The following GLRB variants were observed in gnomAD, a reference collection of about 807,000 sequenced individuals.
GLRB encodes the protein glycine receptor subunit beta.
A neutral mutation model predicts 54.2 loss-of-function variants in GLRB; 33 were observed. The observed-to-expected ratio is 0.61, with a 90% CI of 0.46 to 0.81. GLRB has a LOEUF of 0.81. Among genes scored for constraint, GLRB ranks in the 40% least tolerant of loss-of-function variants. GLRB has a pLI of 0.00. For missense variants in GLRB, 572 were observed against 584.6 expected (o/e 0.98, Z 0.22); for synonymous variants, 209 against 208.2 (o/e 1.00, Z -0.03).
chr4:157,102,521 C>G (rs914814169), intron 2 of GLRB, among the ~76,000 whole-genome samples: 1 of 152,074 alleles, frequency 6.6e-6, no homozygotes, highest in Non-Finnish European at 1.5e-5. Context: ...AGATTTCCTT[C>G]TTTTTAAAGG....
chr4:157,135,338 C>G (rs985403027), intron 4 of GLRB, among the ~76,000 whole-genome samples: 4 of 152,054 alleles, frequency 2.6e-5, no homozygotes, highest in Non-Finnish European at 5.9e-5. Flanking sequence ...AACACAGCAC[C>G]TAAAGGTGGT....
At chr4:157,080,623 A>T (rs1252276907) in intron 2 of GLRB, among the ~76,000 whole-genome samples, 1 of 152,198 alleles carries the variant, frequency 6.6e-6, no homozygotes, top group Non-Finnish European at 1.5e-5. Context: ...AATTGTATGT[A>T]TCTCAGAGAA....
chr4:157,171,753 ATATT>A lies in GLRB; in HGVS notation c.*1028_*1031del, dbSNP rs1737931614. The A allele has an allele frequency of 6.6e-6, 1 of 151,984 alleles. No individual in the cohort carries two copies. The highest frequency in any genetic ancestry group is 1.5e-5 in the Non-Finnish European group (1 of 67,824). The allele number at this position is 151,984 out of a possible 1,614,324, so 9.4% of individuals were successfully genotyped here. A position where few individuals can be genotyped will look rare whatever the true frequency, so the allele number is the denominator to read the frequency against. ...TGAATATTTTGGGATTAGTTACAAAATATTTAGAGATTAAATAAATAATAGCTTT... is the reference window on the plus strand; with the variant it reads ...TGAATATTTTGGGATTAGTTACAAAATAGAGATTAAATAAATAATAGCTTT... On this transcript the variant is annotated 3_prime_UTR_variant, in exon 10 of 10. Transcript: ENST00000264428.
At chr4:157,126,194 A>G (rs1482290809) in intron 4 of GLRB, among the ~76,000 whole-genome samples, 2 of 151,888 alleles carry the variant, frequency 1.3e-5, no homozygotes, top group African/African-American at 4.8e-5. Context: ...AATTTTAACC[A>G]ATTCTATTTG....
intron 4 of GLRB, among the ~76,000 whole-genome samples, chr4:157,126,807 A>G (rs939163427): frequency 4.6e-5 from 7 of 151,828 alleles, no homozygotes; most frequent in Non-Finnish European, 1.0e-4. Context: ...ATTATCGTGT[A>G]TTGTCATAAT....
In GLRB at chr4:157,139,981, G is replaced by A. The variant is rs77559658; in HGVS notation, c.751+1032G>A. 2.7e-4 allele frequency among the ~76,000 whole-genome samples: 41 copies of A among 152,078 alleles called. No homozygotes were observed. In the East Asian group the frequency reaches 7.5e-3, roughly 28 times the overall value. On this transcript the variant is annotated intron_variant, in intron 7 of 9. Transcript: ENST00000264428. ...ATTCCTGTTAATATTAAGAGGTGGAGAGAACATTTACATATTTACAATGCT... is the reference window on the plus strand; with the variant it reads ...ATTCCTGTTAATATTAAGAGGTGGAAAGAACATTTACATATTTACAATGCT...
chr4:157,130,268 G>C (rs762208429), intron 4 of GLRB, among the ~76,000 whole-genome samples: 2 of 151,546 alleles, frequency 1.3e-5, no homozygotes, highest in African/African-American at 4.8e-5. Flanking sequence ...GCTGAAAGTA[G>C]TCAGTGTTTT....
intron 7 of GLRB, among the ~76,000 whole-genome samples, chr4:157,141,105 G>A (rs1736593728): frequency 6.6e-6 from 1 of 151,858 alleles, no homozygotes; most frequent in South Asian, 2.1e-4. Flanking sequence ...ATTAGAAGGT[G>A]TGCTATGGTA....
At chr4:157,078,470 T>C (rs1734119543) in intron 2 of GLRB, among the ~76,000 whole-genome samples, 3 of 152,022 alleles carry the variant, frequency 2.0e-5, no homozygotes, top group Admixed American at 2.0e-4. Flanking sequence ...TGGATACTGA[T>C]ATACTGTGTT....
intron 2 of GLRB, among the ~76,000 whole-genome samples, chr4:157,119,687 C>A (rs149798167): frequency 0.018 from 2,703 of 151,672 alleles, 43 homozygotes; most frequent in African/African-American, 0.038. Context: ...CAATGAGATA[C>A]CATCTCACAC....
intron 4 of GLRB, among the ~76,000 whole-genome samples, chr4:157,130,192 T>G (rs560345054): frequency 6.6e-6 from 1 of 151,818 alleles, no homozygotes; most frequent in African/African-American, 2.4e-5. Context: ...TCCCCTGCAA[T>G]TTTGTTTTTG....
intron 2 of GLRB, among the ~76,000 whole-genome samples, chr4:157,114,800 G>A (rs778544036): frequency 3.3e-5 from 5 of 151,696 alleles, no homozygotes; most frequent in East Asian, 2.0e-4. Context: ...AGGAAGACCC[G>A]CGGGTTAAAA....
chr4:157,141,931 A>T (rs923880404), intron 7 of GLRB, among the ~76,000 whole-genome samples: 1 of 152,196 alleles, frequency 6.6e-6, no homozygotes, highest in South Asian at 2.1e-4. Context: ...ATTTTAAACT[A>T]TGCTACTTTG....
intron 9 of GLRB, among the ~76,000 whole-genome samples, chr4:157,169,061 G>T (rs972764624): frequency 3.9e-5 from 6 of 152,118 alleles, no homozygotes; most frequent in African/African-American, 1.4e-4. Context: ...GTTGAGGAAA[G>T]ATTTGTTTTA....
intron 4 of GLRB, among the ~76,000 whole-genome samples, chr4:157,134,779 A>G (rs1384311378): frequency 6.6e-6 from 1 of 152,156 alleles, no homozygotes; most frequent in Non-Finnish European, 1.5e-5. Flanking sequence ...GAAAAATACA[A>G]TGAAGTAATT....
intron 8 of GLRB, among the ~76,000 whole-genome samples, chr4:157,146,084 T>G (rs1736796457): frequency 6.6e-6 from 1 of 151,924 alleles, no homozygotes; most frequent in African/African-American, 2.4e-5. Flanking sequence ...TGGCATGATC[T>G]TGGCTCACTG....
intron 2 of GLRB, among the ~76,000 whole-genome samples, chr4:157,116,568 G>A (rs972119678): frequency 1.3e-5 from 2 of 151,568 alleles, no homozygotes; most frequent in African/African-American, 2.4e-5. Flanking sequence ...AAATTATAAG[G>A]AGATATATAG....
intron 5 of GLRB, 30 bp downstream of exon 5, chr4:157,136,728 T>A (rs762714592): frequency 6.6e-7 from 1 of 1,526,098 alleles, no homozygotes; most frequent in South Asian, 1.1e-5. Context: ...ATTTGTGCAT[T>A]TATATTTTCC....
intron 2 of GLRB, among the ~76,000 whole-genome samples, chr4:157,110,178 C>G (rs1156733643): frequency 2.0e-5 from 3 of 151,860 alleles, no homozygotes; most frequent in Non-Finnish European, 4.4e-5. Context: ...CCATGAACTG[C>G]CAGTCATCTT....
Sources: allele counts gnomAD v4.1 joint callset (sites outside exome capture counted in the v4.1 genomes callset), GRCh38; gene constraint gnomAD v4.1.1; transcripts MANE v1.5; gene names NCBI Gene and HGNC (gene_info 2026-07-23, HGNC 2026-07-21).